The following KCNG4 variants were observed in gnomAD, a reference collection of about 807,000 sequenced individuals.
The protein encoded by KCNG4 is potassium voltage-gated channel modifier subfamily G member 4, also known as voltage-gated potassium channel regulatory subunit KCNG4.
In KCNG4, 30 loss-of-function variants were observed where a neutral mutation model predicts 28.2. That is an observed-to-expected ratio of 1.06 (90% CI 0.80 to 1.44). The LOEUF is 1.44. Among genes scored for constraint, KCNG4 ranks in the 40% most tolerant of loss-of-function variants. KCNG4 has a pLI of 0.00. For synonymous variants in KCNG4, 375 were observed against 315.5 expected (o/e 1.19, Z -2.00); for missense variants, 879 against 712.3 (o/e 1.23, Z -2.66).
chr16:84,237,102 C>T lies in KCNG4; in HGVS notation c.384G>A (p.Ala128=), dbSNP rs369629967. The T allele has an allele frequency of 4.3e-6, 7 of 1,613,978 alleles. No individual in the cohort carries two copies. The highest frequency in any genetic ancestry group is 1.6e-4 in the Middle Eastern group (1 of 6,084). The change falls in exon 2 of 3, where the codon GCG becomes GCA. Residue 128 remains alanine (A), a synonymous_variant. Coordinates refer to ENST00000308251, the MANE Select transcript of KCNG4 (RefSeq NM_172347.3). The part of the protein sequence containing the change: ...SAFGVIVSFL[A]AGKLVLLQEM... ...CCTGCAGAAGCACCAGCTTCCCGGC[C>T]GCCAGGAAGCTCACGATCACCCCGA... is the stretch of plus-strand genomic sequence containing the variant.
chr16:84,222,812 C>T lies in KCNG4; in HGVS notation c.965G>A (p.Arg322Lys). The T allele has an allele frequency of 6.2e-7, 1 of 1,610,172 alleles. No individual in the cohort carries two copies. ...VSEEPPEDGE[R>K]PSGSSYLEKV... Reference sequence around the variant, plus strand: ...CTCCAGGTAGGAGCTCCCGCTCGGCCTCTCGCCGTCCTCCGGGGGCTCCTC... The same window carrying T: ...CTCCAGGTAGGAGCTCCCGCTCGGCTTCTCGCCGTCCTCCGGGGGCTCCTC... The change falls in exon 3 of 3, where the codon AGG becomes AAG. Residue 322 changes from arginine (R) to lysine (K), a missense_variant. By Grantham distance (26) the Arg-to-Lys change is conservative. Coordinates refer to ENST00000308251, the MANE Select transcript of KCNG4 (RefSeq NM_172347.3).
rs1263615174 is a variant in KCNG4 at position 84,236,897 on chromosome 16, A to G, written c.589T>C (p.Ser197Pro). 3 of 1,613,384 alleles carry G rather than the reference A, an allele frequency of 1.9e-6. No individual in the cohort carries two copies. Among genetic ancestry groups the G allele is most frequent in the Non-Finnish European group, 2.5e-6 (3 of 1,179,994 alleles). ...QRETRRPASH[S>P]SRWGLCMNRL... Reference sequence around the variant, plus strand: ...TTCATGCACAGGCCCCAGCGCGAGGAGTGCGAGGCGGGGCGGCGGGTCTCC... The same window carrying G: ...TTCATGCACAGGCCCCAGCGCGAGGGGTGCGAGGCGGGGCGGCGGGTCTCC... Residue 197 changes from serine to proline, a missense_variant, in exon 2 of 3, where the codon TCC (serine) becomes CCC (proline). Transcript: ENST00000308251.
intron 2 of KCNG4, chr16:84,235,877 T>G (rs1306336056): frequency 6.6e-6 from 1 of 152,194 alleles, no homozygotes; most frequent in Non-Finnish European, 1.5e-5. Context: ...AATTCTCTGT[T>G]TGAAGCTTTC....
chr16:84,228,743 C>T (rs1050819448), intron 2 of KCNG4, among the ~76,000 whole-genome samples: 3 of 152,226 alleles, frequency 2.0e-5, no homozygotes, highest in Non-Finnish European at 2.9e-5. Context: ...TCTCTGAAGG[C>T]GTCTTCCCTT....
In KCNG4 at chr16:84,236,888, A is replaced by C; in HGVS notation, c.598T>G (p.Trp200Gly). The C allele has an allele frequency of 1.2e-6, 2 of 1,613,512 alleles. No individual in the cohort carries two copies. The highest frequency in any genetic ancestry group is 1.1e-5 in the South Asian group (1 of 91,074). Residue 200 changes from tryptophan to glycine, a missense_variant, in exon 2 of 3, where the codon TGG (tryptophan) becomes GGG (glycine). Physicochemically the swap from Trp to Gly is radical, Grantham distance 184. Transcript: ENST00000308251. ...CGCAGCCGGTTCATGCACAGGCCCCAGCGCGAGGAGTGCGAGGCGGGGCGG... is the reference window on the plus strand; with the variant it reads ...CGCAGCCGGTTCATGCACAGGCCCCCGCGCGAGGAGTGCGAGGCGGGGCGG... ...TRRPASHSSRWGLCMNRLREM... is the reference protein window; with the variant it reads ...TRRPASHSSRGGLCMNRLREM...
At chr16:84,231,086 G>A (rs910349079) in intron 2 of KCNG4, among the ~76,000 whole-genome samples, 18 of 152,184 alleles carry the variant, frequency 1.2e-4, no homozygotes, top group Non-Finnish European at 1.2e-4. Context: ...AGCAGAGCAG[G>A]TCCAGGGGTG....
chr16:84,238,258 C>T (rs779861297), intron 1 of KCNG4, among the ~76,000 whole-genome samples: 6 of 152,184 alleles, frequency 3.9e-5, no homozygotes, highest in Non-Finnish European at 7.3e-5. Context: ...GTTTGCGTGT[C>T]TTGCCTACTG....
intron 2 of KCNG4, among the ~76,000 whole-genome samples, chr16:84,229,674 T>G (rs1025065854): frequency 5.9e-5 from 9 of 152,044 alleles, no homozygotes; most frequent in African/African-American, 2.2e-4. Context: ...GGTGGTGGCG[T>G]CTGCATGGGG....
chr16:84,233,932 C>T (rs983082449), intron 2 of KCNG4, among the ~76,000 whole-genome samples: 3 of 152,236 alleles, frequency 2.0e-5, no homozygotes, highest in African/African-American at 4.8e-5. Flanking sequence ...CTCTGAGCCT[C>T]GGTTTCCTCA....
intron 2 of KCNG4, among the ~76,000 whole-genome samples, chr16:84,225,273 G>A (rs1904671443): frequency 6.6e-6 from 1 of 151,666 alleles, no homozygotes. Flanking sequence ...AGAAGTTTTG[G>A]GTTCTGATTC....
At chr16:84,223,111 T>G in intron 2 of KCNG4, 91 bp from the exon 3 acceptor site, 1 of 1,061,508 alleles carries the variant, frequency 9.4e-7, no homozygotes, top group Non-Finnish European at 1.3e-6. Context: ...ATGAGCTTTG[T>G]GCTGTAAACT....
At chr16:84,228,273 C>A (rs1904741766) in intron 2 of KCNG4, among the ~76,000 whole-genome samples, 1 of 152,202 alleles carries the variant, frequency 6.6e-6, no homozygotes, top group Non-Finnish European at 1.5e-5. Flanking sequence ...CAAAATGCTG[C>A]CAGCCCCACT....
At position 84,220,057 on chromosome 16, in the gene KCNG4, T is replaced by C. The variant is rs1904521135; in HGVS notation, c.*2160A>G. ...CAGCCTGGCGGACAGAGAGAGACTCTGTCAATAAATAAATAAATAAATAAG... is the reference window on the plus strand; with the variant it reads ...CAGCCTGGCGGACAGAGAGAGACTCCGTCAATAAATAAATAAATAAATAAG... On this transcript the variant is annotated 3_prime_UTR_variant, in exon 3 of 3. Coordinates refer to ENST00000308251, the MANE Select transcript of KCNG4 (RefSeq NM_172347.3). The C allele has an allele frequency of 6.6e-6, 1 of 151,806 alleles. No homozygotes were observed. The highest frequency in any genetic ancestry group is 1.5e-5 in the Non-Finnish European group (1 of 68,014). The allele number at this position is 151,806 out of a possible 1,614,324, so 9.4% of individuals were successfully genotyped here. A position where few individuals can be genotyped will look rare whatever the true frequency, so the allele number is the denominator to read the frequency against.
chr16:84,236,791 G>A lies in KCNG4; in HGVS notation c.695C>T (p.Ala232Val), dbSNP rs761572996. 1 of 1,613,628 alleles carries A rather than the reference G, an allele frequency of 6.2e-7. No individual in the cohort carries two copies. Among genetic ancestry groups the A allele is most frequent in the Non-Finnish European group, 8.5e-7 (1 of 1,180,054 alleles). Reference sequence around the variant, plus strand: ...GACACACAGGCTGACGGCTGTGGTGGCCACGAAGAGGATGGAGAGGCAAGC... The same window carrying A: ...GACACACAGGCTGACGGCTGTGGTGACCACGAAGAGGATGGAGAGGCAAGC... The part of the protein sequence containing the change: ...VFACLSILFV[A>V]TTAVSLCVST... Residue 232 changes from alanine to valine, a missense_variant, in exon 2 of 3, where the codon GCC (alanine) becomes GTC (valine). Coordinates refer to ENST00000308251, the MANE Select transcript of KCNG4 (RefSeq NM_172347.3).
intron 2 of KCNG4, among the ~76,000 whole-genome samples, chr16:84,229,057 G>A (rs185799797): frequency 1.3e-5 from 2 of 151,942 alleles, no homozygotes; most frequent in South Asian, 2.1e-4. Flanking sequence ...CCAGCACTTC[G>A]GGAGGCTGAA....
chr16:84,235,162 C>A (rs1386328858), intron 2 of KCNG4, among the ~76,000 whole-genome samples: 1 of 152,124 alleles, frequency 6.6e-6, no homozygotes, highest in Admixed American at 6.6e-5. Context: ...TGGGTTCATA[C>A]CCTGCGTAAT....
rs75374416 is a variant in KCNG4, at chr16:84,226,068, G to A, written c.757-3048C>T. 2.4e-3 allele frequency among the ~76,000 whole-genome samples: 372 copies of A among 152,316 alleles called. 2 individuals carry two copies. Among genetic ancestry groups the A allele is most frequent in the Non-Finnish European group, 4.1e-3 (280 of 67,994 alleles). Reference sequence around the variant, plus strand: ...TAAACCCAGAAAGTTCCGGGTCCTAGGAACCCCCTGGGCCCTGGGCACACC... The same window carrying A: ...TAAACCCAGAAAGTTCCGGGTCCTAAGAACCCCCTGGGCCCTGGGCACACC... On this transcript the variant is annotated intron_variant, in intron 2 of 2. Transcript: ENST00000308251. The surrounding 1 kb of genome is among the most constrained non-coding windows in gnomAD (Gnocchi z 4.1).
rs1378228589 is a variant in KCNG4 at position 84,236,485 on chromosome 16, C to A, written c.756+245G>T. ...ACTGAGTCCACGCATGGCTGAGGGC[C>A]ACGTAATGATTTTCACGGTGAGCCT... On this transcript the variant is annotated intron_variant, in intron 2 of 2. Coordinates refer to ENST00000308251, the MANE Select transcript of KCNG4 (RefSeq NM_172347.3). 2.1e-5 allele frequency: 12 copies of A among 565,242 alleles called. No individual in the cohort carries two copies. The East Asian group carries it at 3.6e-4, about 17-fold the overall frequency. The allele number at this position is 565,242 out of a possible 1,614,324, so 35.0% of individuals were successfully genotyped here. A position where few individuals can be genotyped will look rare whatever the true frequency, so the allele number is the denominator to read the frequency against.
At position 84,220,652 on chromosome 16, in the gene KCNG4, AAGAGTCCT is replaced by A. The variant is rs1904536180; in HGVS notation, c.*1557_*1564del. On this transcript the variant is annotated 3_prime_UTR_variant, in exon 3 of 3. Coordinates refer to ENST00000308251, the MANE Select transcript of KCNG4 (RefSeq NM_172347.3). ...TGTTTTGATCTTGTGCACTTTCTTC[AAGAGTCCT>A]AGAGCCAACAGCAAACTCCTATGTG... The A allele has an allele frequency of 6.6e-6, 1 of 152,266 alleles. No homozygotes were observed. Among genetic ancestry groups the A allele is most frequent in the Admixed American group, 6.5e-5 (1 of 15,288 alleles). The allele number at this position is 152,266 out of a possible 1,614,324, so 9.4% of individuals were successfully genotyped here.
Sources: allele counts gnomAD v4.1 joint callset (sites outside exome capture counted in the v4.1 genomes callset), GRCh38; gene constraint gnomAD v4.1.1; non-coding constraint Gnocchi (gnomAD v3.1); transcripts MANE v1.5; gene names NCBI Gene and HGNC (gene_info 2026-07-23, HGNC 2026-07-21).